ERBB2: variants seen among roughly 807,000 people sequenced by gnomAD.
The protein encoded by ERBB2 is erb-b2 receptor tyrosine kinase 2.
Under a neutral mutation model 149.0 loss-of-function variants are expected in ERBB2, and 61 were observed. The observed-to-expected ratio is 0.41, with a 90% CI of 0.33 to 0.51. ERBB2 has a LOEUF of 0.51. Among genes scored for constraint, ERBB2 ranks in the 20% least tolerant of loss-of-function variants. ERBB2 has a pLI of 0.25. For missense variants in ERBB2, 1,205 were observed against 1,655.1 expected, an observed-to-expected ratio of 0.73 and a Z score of 4.72; for synonymous variants, 633 against 678.8, an observed-to-expected ratio of 0.93 and a Z score of 1.05.
intron 1 of ERBB2, among the ~76,000 whole-genome samples, chr17:39,704,273 AC>A (rs930010668): frequency 5.9e-5 from 9 of 151,764 alleles, no homozygotes; most frequent in South Asian, 4.2e-4. Flanking sequence ...ATTAGGACCT[AC>A]CCCCCAGGAA....
chr17:39,721,897 CTTTTA>C (rs1567910330), intron 16 of ERBB2, among the ~76,000 whole-genome samples: 1 of 152,010 alleles, frequency 6.6e-6, no homozygotes. Flanking sequence ...CTGTTTTTCA[CTTTTA>C]TTTTTATTTA....
intron 16 of ERBB2, among the ~76,000 whole-genome samples, chr17:39,722,081 G>A (rs1335847339): frequency 6.6e-6 from 1 of 151,984 alleles, no homozygotes; most frequent in East Asian, 1.9e-4. Context: ...ACCACACCCG[G>A]CTAATTTTGT....
chr17:39,727,198 G>A lies in ERBB2; in HGVS notation c.3160-97G>A, dbSNP rs1442789986. ...GGTGACTGTGTCATACCCCAAAGGTGACCTCTGTTTTTCTCCTGTGACCCT... is the reference window on the plus strand; with the variant it reads ...GGTGACTGTGTCATACCCCAAAGGTAACCTCTGTTTTTCTCCTGTGACCCT... On this transcript the variant is annotated intron_variant, in intron 25 of 26. Transcript: ENST00000269571. This position sits in a 1 kb window ranked among gnomAD's most constrained non-coding sequence, Gnocchi z 4.3. 5 of 1,460,876 alleles carry A rather than the reference G, an allele frequency of 3.4e-6. No individual in the cohort carries two copies. The highest frequency in any genetic ancestry group is 4.1e-5 in the Admixed American group (2 of 48,612). 90.5% of individuals were successfully genotyped at this position (1,460,876 alleles called of 1,614,324 possible). A position where few individuals can be genotyped will look rare whatever the true frequency, so the allele number is the denominator to read the frequency against.
At chr17:39,713,882 C>G (rs1424801439) in intron 9 of ERBB2, among the ~76,000 whole-genome samples, 1 of 151,690 alleles carries the variant, frequency 6.6e-6, no homozygotes, top group Non-Finnish European at 1.5e-5. Context: ...ATAGTGAGAT[C>G]CCATCTCTAC....
In ERBB2 at chr17:39,727,117, T is replaced by C. The variant is rs909073809; in HGVS notation, c.3159+114T>C. Reference sequence around the variant, plus strand: ...CTGTCACCTCTCAAGGAAACCCCATTATCCCTACAAAAAATTCTTACTGCC... The same window carrying C: ...CTGTCACCTCTCAAGGAAACCCCATCATCCCTACAAAAAATTCTTACTGCC... On this transcript the variant is annotated intron_variant, in intron 25 of 26. Coordinates refer to ENST00000269571, the MANE Select transcript of ERBB2 (RefSeq NM_004448.4). This position sits in a 1 kb window ranked among gnomAD's most constrained non-coding sequence, Gnocchi z 4.3. 2.4e-6 allele frequency: 3 copies of C among 1,244,604 alleles called. No individual in the cohort carries two copies. In the African/African-American group the frequency reaches 4.5e-5, roughly 19 times the overall value. The allele number at this position is 1,244,604 out of a possible 1,614,324, so 77.1% of individuals were successfully genotyped here. A position where few individuals can be genotyped will look rare whatever the true frequency, so the allele number is the denominator to read the frequency against.
chr17:39,728,217 G>C lies in ERBB2; in HGVS notation c.*173G>C, dbSNP rs1022829354. ...TCCTGCTTGAGTTCCCAGATGGCTGGAAGGGGTCCAGCCTCGTTGGAAGAG... is the reference window on the plus strand; with the variant it reads ...TCCTGCTTGAGTTCCCAGATGGCTGCAAGGGGTCCAGCCTCGTTGGAAGAG... On this transcript the variant is annotated 3_prime_UTR_variant, in exon 27 of 27. Coordinates refer to ENST00000269571, the MANE Select transcript of ERBB2 (RefSeq NM_004448.4). 1.1e-5 allele frequency: 6 copies of C among 566,790 alleles called. No individual in the cohort carries two copies. The highest frequency in any genetic ancestry group is 8.9e-4 in the Middle Eastern group (2 of 2,242). The allele number at this position is 566,790 out of a possible 1,614,324, so 35.1% of individuals were successfully genotyped here. A position where few individuals can be genotyped will look rare whatever the true frequency, so the allele number is the denominator to read the frequency against.
At chr17:39,709,272 G>A (rs2145466609) in intron 3 of ERBB2, 46 bp from the exon 4 acceptor site, 2 of 1,609,868 alleles carry the variant, frequency 1.2e-6, no homozygotes, top group Non-Finnish European at 1.7e-6. Context: ...GGAAGCAGAA[G>A]GTGACAGAAG....
rs753419830 is a variant in ERBB2 at position 39,709,446 on chromosome 17, C to T, written c.568C>T (p.Arg190Trp). 8.7e-6 allele frequency: 14 copies of T among 1,614,140 alleles called. No individual in the cohort carries two copies. Among genetic ancestry groups the T allele is most frequent in the Admixed American group, 1.7e-5 (1 of 60,012 alleles). ...CACACTGATAGACACCAACCGCTCT[C>T]GGGCCTGTAAGCCATGCCCCTCCCT... Reference protein sequence around the residue: ...ALTLIDTNRSRACHPCSPMCK... With the variant: ...ALTLIDTNRSWACHPCSPMCK... The change falls in exon 4 of 27, where the codon CGG becomes TGG. Residue 190 changes from arginine (R) to tryptophan (W), a missense_variant. Physicochemically the swap from Arg to Trp is moderately radical, Grantham distance 101. Coordinates refer to ENST00000269571, the MANE Select transcript of ERBB2 (RefSeq NM_004448.4).
chr17:39,711,772 T>G (rs1363100527), intron 7 of ERBB2, among the ~76,000 whole-genome samples, 156 bp from the exon 8 acceptor site: 1 of 152,160 alleles, frequency 6.6e-6, no homozygotes, highest in African/African-American at 2.4e-5. Flanking sequence ...TCCCGTCTGG[T>G]TGTTGTGAGG....
rs2143328664 is a variant in ERBB2 at position 39,728,086 on chromosome 17, G to A, written c.*42G>A. 7.0e-7 allele frequency: 1 copy of A among 1,428,676 alleles called. No homozygotes were observed. The allele number at this position is 1,428,676 out of a possible 1,614,324, so 88.5% of individuals were successfully genotyped here. On this transcript the variant is annotated 3_prime_UTR_variant, in exon 27 of 27. Transcript: ENST00000269571. ...CGCAGAAGCCCTGATGTGTCCTCAG[G>A]GAGCAGGGAAGGCCTGACTTCTGCT...
At chr17:39,690,490 C>T (rs776627968), upstream of ERBB2, among the ~76,000 whole-genome samples, 42 of 152,132 alleles carry the variant, frequency 2.8e-4, no homozygotes, top group Admixed American at 5.9e-4. Flanking sequence ...TGCCTACATA[C>T]CTGATGGAAA....
At chr17:39,699,195 C>T (rs1214679237), upstream of ERBB2, among the ~76,000 whole-genome samples, 2 of 152,066 alleles carry the variant, frequency 1.3e-5, no homozygotes, top group African/African-American at 4.8e-5. Context: ...TGCAGTTGCT[C>T]GTGGTTGTAA....
chr17:39,688,267 A>G, exon 1 of ERBB2: 1 of 370,298 alleles, frequency 2.7e-6, no homozygotes, highest in Non-Finnish European at 4.8e-6. Flanking sequence ...GTTTTCCATG[A>G]TCTTTTTTGA....
In ERBB2 at chr17:39,725,291, C is replaced by T. The variant is rs1469046073; in HGVS notation, c.2650-36C>T. The T allele has an allele frequency of 1.9e-6, 3 of 1,613,226 alleles. No homozygotes were observed. The highest frequency in any genetic ancestry group is 2.7e-5 in the African/African-American group (2 of 74,864). ...ACTCTGAGTGGCCACCTCCCCACAACACACAGTTGGAGGACTTCCTCTTCT... is the reference window on the plus strand; with the variant it reads ...ACTCTGAGTGGCCACCTCCCCACAATACACAGTTGGAGGACTTCCTCTTCT... On this transcript the variant is annotated intron_variant, in intron 21 of 26. Coordinates refer to ENST00000269571, the MANE Select transcript of ERBB2 (RefSeq NM_004448.4). This position sits in a 1 kb window ranked among gnomAD's most constrained non-coding sequence, Gnocchi z 4.6.
At chr17:39,707,281 A>G (rs956906582) in intron 2 of ERBB2, 140 bp downstream of exon 2, 18 of 685,026 alleles carry the variant, frequency 2.6e-5, no homozygotes, top group Non-Finnish European at 3.9e-5. Flanking sequence ...GTCCTTTCTA[A>G]CATCTAACCC....
chr17:39,691,894 G>C (rs573681970), upstream of ERBB2, among the ~76,000 whole-genome samples: 44 of 126,556 alleles, frequency 3.5e-4, no homozygotes, highest in African/African-American at 1.2e-3. Flanking sequence ...TATAGATATA[G>C]ATATAGATAT....
In ERBB2 at chr17:39,710,371, G is replaced by A; in HGVS notation, c.791G>A (p.Cys264Tyr). Reference sequence around the variant, plus strand: ...CTCCACTTCAACCACAGTGGCATCTGTGAGCTGCACTGCCCAGCCCTGGTC... The same window carrying A: ...CTCCACTTCAACCACAGTGGCATCTATGAGCTGCACTGCCCAGCCCTGGTC... ...ACLHFNHSGICELHCPALVTY... is the reference protein window; with the variant it reads ...ACLHFNHSGIYELHCPALVTY... Residue 264 changes from cysteine to tyrosine, a missense_variant, in exon 7 of 27, where the codon TGT becomes TAT. By Grantham distance (194) the Cys-to-Tyr change is radical. This residue lies in a region of ERBB2 where 569 missense variants were observed against 803.5 expected (regional missense o/e 0.71). Coordinates refer to ENST00000269571, the MANE Select transcript of ERBB2 (RefSeq NM_004448.4). 1 of 1,614,176 alleles carries A rather than the reference G, an allele frequency of 6.2e-7. No homozygotes were observed. The highest frequency in any genetic ancestry group is 8.5e-7 in the Non-Finnish European group (1 of 1,180,038).
At chr17:39,711,425 C>T (rs1481769906) in intron 7 of ERBB2, among the ~76,000 whole-genome samples, 1 of 152,210 alleles carries the variant, frequency 6.6e-6, no homozygotes, top group Non-Finnish European at 1.5e-5. Flanking sequence ...CTCCTGACCT[C>T]AAGTGATCCA....
intron 15 of ERBB2, among the ~76,000 whole-genome samples, chr17:39,718,432 C>T (rs1156363391): frequency 6.6e-6 from 1 of 152,212 alleles, no homozygotes; most frequent in African/African-American, 2.4e-5. Flanking sequence ...AGGCTCTTTT[C>T]TGCACACTTA....
Sources: gnomAD v4.1 joint callset for allele counts (sites outside exome capture counted in the v4.1 genomes callset) on GRCh38, gnomAD v4.1.1 for gene constraint, gnomAD v4.1.1 regional missense constraint, Gnocchi (gnomAD v3.1) non-coding constraint, MANE v1.5 for transcripts, NCBI Gene and HGNC (gene_info 2026-07-23, HGNC 2026-07-21) for gene names.